The following ABRAXAS2 variants were observed in gnomAD, a reference collection of about 807,000 sequenced individuals.
The protein encoded by ABRAXAS2 is BRISC complex subunit Abraxas 2.
A neutral mutation model predicts 49.0 loss-of-function variants in ABRAXAS2; 23 were observed. That is an observed-to-expected ratio of 0.47 (90% confidence interval 0.34 to 0.66). The LOEUF (loss-of-function observed/expected upper bound fraction) is 0.66. ABRAXAS2 is among the 30% of genes least tolerant of loss of function. The pLI, the probability that ABRAXAS2 is intolerant of heterozygous loss-of-function variation, is 0.01. For missense variants in ABRAXAS2, 443 were observed against 511.9 expected, an observed-to-expected ratio of 0.87 and a Z score of 1.30; for synonymous variants, 168 against 180.2, an observed-to-expected ratio of 0.93 and a Z score of 0.54.
intron 2 of ABRAXAS2, among the ~76,000 whole-genome samples, chr10:124,812,764 G>A (rs1421759982): frequency 6.6e-6 from 1 of 152,192 alleles, no homozygotes; most frequent in African/African-American, 2.4e-5. Context: ...TGTATAAAGA[G>A]ATTTTCTGGC....
At chr10:124,814,579 G>C (rs995000720) in intron 2 of ABRAXAS2, among the ~76,000 whole-genome samples, 1 of 151,856 alleles carries the variant, frequency 6.6e-6, no homozygotes, top group Non-Finnish European at 1.5e-5. Flanking sequence ...AACCTCAGGT[G>C]ATCCACCCGC....
chr10:124,802,013 C>T (rs1950708231), intron 1 of ABRAXAS2, 112 bp downstream of exon 1: 1 of 1,054,756 alleles, frequency 9.5e-7, no homozygotes, highest in Non-Finnish European at 1.4e-6. Flanking sequence ...GCACCAGGGC[C>T]GGCCGGAGGA....
chr10:124,813,509 T>C (rs1216268200), intron 2 of ABRAXAS2, among the ~76,000 whole-genome samples: 1 of 152,230 alleles, frequency 6.6e-6, no homozygotes, highest in African/African-American at 2.4e-5. Flanking sequence ...AGGCGATGTG[T>C]ACATGAGCAG....
chr10:124,824,480 A>T (rs765739204), intron 4 of ABRAXAS2, among the ~76,000 whole-genome samples: 2 of 150,826 alleles, frequency 1.3e-5, no homozygotes, highest in Admixed American at 1.3e-4. Context: ...TTGAGCCAAG[A>T]TCGCGCCACT....
intron 2 of ABRAXAS2, among the ~76,000 whole-genome samples, chr10:124,810,803 G>A (rs1011739351): frequency 1.3e-5 from 2 of 151,474 alleles, no homozygotes; most frequent in African/African-American, 2.4e-5. Context: ...GGATGGTCTC[G>A]ATCTCTTGAC....
At chr10:124,831,308 C>A in intron 7 of ABRAXAS2, 41 bp from the exon 8 acceptor site, 2 of 1,238,410 alleles carry the variant, frequency 1.6e-6, no homozygotes, top group Non-Finnish European at 2.4e-6. Context: ...ATGCCTTGTG[C>A]TTGAACTTGA....
At chr10:124,822,280 GA>G (rs1426082689) in intron 4 of ABRAXAS2, among the ~76,000 whole-genome samples, 1 of 152,024 alleles carries the variant, frequency 6.6e-6, no homozygotes, top group African/African-American at 2.4e-5. Flanking sequence ...TATGTTACAT[GA>G]AAAAAAGCAG....
chr10:124,829,625 GAAT>G, intron 7 of ABRAXAS2, 148 bp downstream of exon 7: 1 of 587,126 alleles, frequency 1.7e-6, no homozygotes, highest in Non-Finnish European at 3.0e-6. Context: ...TCAAGCTGTG[GAAT>G]AATGATTCAT....
chr10:124,814,293 A>G (rs1198304298), intron 2 of ABRAXAS2, among the ~76,000 whole-genome samples: 1 of 151,928 alleles, frequency 6.6e-6, no homozygotes, highest in African/African-American at 2.4e-5. Context: ...CCCGGCCTCT[A>G]TCATTTTTAG....
chr10:124,831,352 G>A lies in ABRAXAS2; in HGVS notation c.667G>A (p.Val223Met), dbSNP rs780989802. 6.9e-6 allele frequency: 11 copies of A among 1,601,792 alleles called. No individual in the cohort carries two copies. In the Admixed American group the frequency reaches 1.2e-4, roughly 17 times the overall value. ...TCGTTGTCATTTTTTTCCTCAGGCA[G>A]TGTGTGCAGATGTTGAAAAGAGTGA... ...YNALQEKVQAVCADVEKSERV... is the reference protein window; with the variant it reads ...YNALQEKVQAMCADVEKSERV... The change falls in exon 8 of 9, where the codon GTG becomes ATG. Residue 223 changes from valine to methionine, a missense_variant. Val to Met is a conservative substitution (Grantham distance 21). Around this residue, in one of 3 missense-constraint regions of ABRAXAS2, gnomAD observed 166 missense variants for 247.3 expected, o/e 0.67. Transcript: ENST00000298492.
At chr10:124,819,885 A>G (rs1225098801) in intron 4 of ABRAXAS2, among the ~76,000 whole-genome samples, 2 of 152,188 alleles carry the variant, frequency 1.3e-5, no homozygotes, top group Non-Finnish European at 2.9e-5. Flanking sequence ...TTATGTGTAG[A>G]CTAGGTAAGC....
chr10:124,813,652 A>G (rs916727638), intron 2 of ABRAXAS2, among the ~76,000 whole-genome samples: 2 of 152,144 alleles, frequency 1.3e-5, no homozygotes, highest in African/African-American at 2.4e-5. Flanking sequence ...CAGCTTTTTC[A>G]TGTTTGAGAT....
At position 124,835,894 on chromosome 10, in the gene ABRAXAS2, A is replaced by C. The variant is rs887444536; in HGVS notation, c.*923A>C. On this transcript the variant is annotated 3_prime_UTR_variant, in exon 9 of 9. Coordinates refer to ENST00000298492, the MANE Select transcript of ABRAXAS2 (RefSeq NM_032182.4). Reference sequence around the variant, plus strand: ...TTTATCTGTGGAGGAAAGACATTTAATAATAAACTGTTTGGGAATCTTGGT... The same window carrying C: ...TTTATCTGTGGAGGAAAGACATTTACTAATAAACTGTTTGGGAATCTTGGT... 1.3e-5 allele frequency: 2 copies of C among 152,642 alleles called. No homozygotes were observed. The highest frequency in any genetic ancestry group is 4.8e-5 in the African/African-American group (2 of 41,448). The allele number at this position is 152,642 out of a possible 1,614,324, so 9.5% of individuals were successfully genotyped here. A position where few individuals can be genotyped will look rare whatever the true frequency, so the allele number is the denominator to read the frequency against.
intron 2 of ABRAXAS2, among the ~76,000 whole-genome samples, chr10:124,814,794 G>A (rs146464816): frequency 1.0e-3 from 154 of 151,250 alleles, no homozygotes; most frequent in African/African-American, 2.2e-3. Context: ...TTACAGGCGC[G>A]CGCCACCACA....
intron 1 of ABRAXAS2, 125 bp from the exon 2 acceptor site, chr10:124,806,706 T>C (rs1477500536): frequency 4.8e-6 from 3 of 619,338 alleles, no homozygotes; most frequent in Admixed American, 3.1e-5. Context: ...AGAATAGTGG[T>C]TTACATGGGA....
intron 4 of ABRAXAS2, among the ~76,000 whole-genome samples, chr10:124,824,273 C>T (rs534812911): frequency 1.3e-5 from 2 of 152,236 alleles, no homozygotes; most frequent in African/African-American, 4.8e-5. Flanking sequence ...CTGTGGCTCA[C>T]GCCTGTAATG....
Position 124,834,598 on chromosome 10 carries a change from G to A in ABRAXAS2, c.875G>A (p.Gly292Asp). The A allele has an allele frequency of 6.2e-7, 1 of 1,614,172 alleles. No homozygotes were observed. Among genetic ancestry groups the A allele is most frequent in the Non-Finnish European group, 8.5e-7 (1 of 1,180,036 alleles). The change falls in exon 9 of 9, where the codon GGC becomes GAC. Residue 292 changes from glycine (G) to aspartate (D), a missense_variant. Physicochemically the swap from Gly to Asp is moderately conservative, Grantham distance 94 (BLOSUM62 -1). Around this residue, in one of 3 missense-constraint regions of ABRAXAS2, gnomAD observed 230 missense variants for 237.0 expected, o/e 0.97. Coordinates refer to ENST00000298492, the MANE Select transcript of ABRAXAS2 (RefSeq NM_032182.4). ...CCGTCCTCTGGGTTTGCAGCTGAAG[G>A]CAGAAGTACACTTGGAGATGCAGAG... ...RMPSSGFAAEGRSTLGDAEAS... is the reference protein window; with the variant it reads ...RMPSSGFAAEDRSTLGDAEAS...
At chr10:124,815,892 C>CTTT (rs34730970) in intron 2 of ABRAXAS2, among the ~76,000 whole-genome samples, 18 of 94,664 alleles carry the variant, frequency 1.9e-4, no homozygotes, top group East Asian at 3.3e-4. Context: ...GTCCTCGCAG[C>CTTT]TTTTTTTTTT....
chr10:124,828,104 C>A (rs754753843), intron 5 of ABRAXAS2, among the ~76,000 whole-genome samples: 3 of 152,188 alleles, frequency 2.0e-5, no homozygotes, highest in Non-Finnish European at 4.4e-5. Flanking sequence ...CTCCGTGAGA[C>A]CTTCCTGTTG....
Sources: allele counts gnomAD v4.1 joint callset (sites outside exome capture counted in the v4.1 genomes callset), GRCh38; gene constraint gnomAD v4.1.1; regional missense constraint gnomAD v4.1.1; transcripts MANE v1.5; gene names NCBI Gene and HGNC (gene_info 2026-07-23, HGNC 2026-07-21).